HSPA4: variants seen among roughly 807,000 people sequenced by gnomAD.
HSPA4 encodes heat shock protein family A (Hsp70) member 4.
Under a neutral mutation model 106.2 loss-of-function variants are expected in HSPA4, and 25 were observed. The observed-to-expected ratio is 0.24, with a 90% CI of 0.17 to 0.33. The LOEUF (loss-of-function observed/expected upper bound fraction) is 0.33. Ranked by LOEUF, HSPA4 falls within the 10% of genes least tolerant of loss-of-function variation. The probability of loss-of-function intolerance (pLI) is 1.00; values close to 1 mark genes in which losing one functional copy is unlikely to be tolerated. For missense variants in HSPA4, 841 were observed against 996.0 expected (o/e 0.84, Z 2.10); for synonymous variants, 332 against 333.6 (o/e 1.00, Z 0.05).
intron 16 of HSPA4, among the ~76,000 whole-genome samples, chr5:133,100,974 T>C (rs1013500681): frequency 7.2e-5 from 11 of 152,136 alleles, no homozygotes; most frequent in African/African-American, 2.7e-4. Context: ...CCTGGCTGTT[T>C]TAATTTTTTT....
chr5:133,064,065 G>A (rs6895521), intron 1 of HSPA4, among the ~76,000 whole-genome samples: 152,374 of 152,390 alleles, frequency 1, 76,179 homozygotes, highest in Middle Eastern at 1. Context: ...CTTTTTAAGC[G>A]TAAGCACAGA....
In HSPA4 at chr5:133,105,109, A is replaced by G. The variant is rs1271376468; in HGVS notation, c.*673A>G. 6.6e-6 allele frequency: 1 copy of G among 152,262 alleles called. No individual in the cohort carries two copies. The highest frequency in any genetic ancestry group is 2.4e-5 in the African/African-American group (1 of 41,472). 9.4% of individuals were successfully genotyped at this position (152,262 alleles called of 1,614,324 possible). On this transcript the variant is annotated 3_prime_UTR_variant, in exon 19 of 19. Coordinates refer to ENST00000304858, the MANE Select transcript of HSPA4 (RefSeq NM_002154.4). ...TTTAAACCTGGAGGCTCTTCCTGAA[A>G]GTATGTTCATGAATACCCCAAGCAT...
At chr5:133,076,989 G>A (rs955695972) in intron 7 of HSPA4, 91 bp downstream of exon 7, 8 of 1,153,112 alleles carry the variant, frequency 6.9e-6, no homozygotes, top group Admixed American at 4.4e-5. Context: ...AAATAATCAC[G>A]GAGGTTATAT....
At chr5:133,077,661 T>C (rs960578126) in intron 7 of HSPA4, among the ~76,000 whole-genome samples, 3 of 152,226 alleles carry the variant, frequency 2.0e-5, no homozygotes, top group Admixed American at 6.5e-5. Flanking sequence ...CAGAGTGTTA[T>C]TGTTGCCTGG....
intron 7 of HSPA4, among the ~76,000 whole-genome samples, chr5:133,080,692 T>G (rs1050833712): frequency 6.6e-6 from 1 of 151,836 alleles, no homozygotes; most frequent in Non-Finnish European, 1.5e-5. Context: ...TTTTTTTTAG[T>G]TTGCCTTTTT....
intron 7 of HSPA4, among the ~76,000 whole-genome samples, chr5:133,085,489 T>TTAAAAAAAAAAAAAAAAAAAAAA (rs1554089513): frequency 2.7e-5 from 3 of 110,268 alleles, no homozygotes; most frequent in African/African-American, 9.9e-5. Context: ...CCATCTCTAC[T>TTAAAAAAAAAAAAAAAAAAAAAA]AAAAAAAAAA....
At chr5:133,069,309 G>A (rs1042423489) in intron 3 of HSPA4, among the ~76,000 whole-genome samples, 13 of 151,782 alleles carry the variant, frequency 8.6e-5, no homozygotes, top group Admixed American at 7.2e-4. Context: ...GAGTGCAGTG[G>A]CACGATGTAG....
rs1765662599 is a variant in HSPA4, at chr5:133,092,806, G to GTTTTTTTTGTTTTTTTTT, written c.1650+25_1650+26insGTTTTTTTTTTTTTTTTT. 2.5e-5 allele frequency: 12 copies of GTTTTTTTTGTTTTTTTTT among 474,012 alleles called. No individual in the cohort carries two copies. In the African/African-American group the frequency reaches 4.3e-4, roughly 17 times the overall value. The allele number at this position is 474,012 out of a possible 1,614,324, so 29.4% of individuals were successfully genotyped here. On this transcript the variant is annotated intron_variant, in intron 13 of 18. Transcript: ENST00000304858. The stretch of plus-strand genomic sequence containing the variant: ...GAAATGGAGGTATGCATTGGGTGGT[G>GTTTTTTTTGTTTTTTTTT]TTTTTTTTTTTTTTTTTTTTTTTTT...
intron 7 of HSPA4, among the ~76,000 whole-genome samples, chr5:133,086,285 G>A (rs779293438): frequency 1.3e-5 from 2 of 152,130 alleles, no homozygotes; most frequent in African/African-American, 4.8e-5. Flanking sequence ...CTTCCCTTTT[G>A]TCATTGGTAG....
chr5:133,088,589 T>C, intron 9 of HSPA4, 34 bp downstream of exon 9: 1 of 1,568,788 alleles, frequency 6.4e-7, no homozygotes, highest in Non-Finnish European at 8.8e-7. Flanking sequence ...TAACCATTTA[T>C]AAATCATTGT....
At chr5:133,100,438 C>T (rs1052109848) in intron 16 of HSPA4, among the ~76,000 whole-genome samples, 10 of 152,026 alleles carry the variant, frequency 6.6e-5, no homozygotes, top group African/African-American at 1.2e-4. Context: ...GCTCTGTTGC[C>T]GAGGCTGGAG....
intron 7 of HSPA4, among the ~76,000 whole-genome samples, chr5:133,082,385 A>G (rs1765523380): frequency 6.6e-6 from 1 of 152,218 alleles, no homozygotes; most frequent in Non-Finnish European, 1.5e-5. Context: ...ACTGAATTGT[A>G]TACTTTAAAA....
At chr5:133,061,080 A>G (rs1765235733) in intron 1 of HSPA4, among the ~76,000 whole-genome samples, 1 of 151,712 alleles carries the variant, frequency 6.6e-6, no homozygotes, top group Non-Finnish European at 1.5e-5. Context: ...AAGCTTCATT[A>G]AACAACAGTA....
chr5:133,089,266 C>T (rs1765615609), intron 10 of HSPA4, 105 bp downstream of exon 10: 3 of 674,324 alleles, frequency 4.4e-6, no homozygotes, highest in East Asian at 2.7e-5. Context: ...AACATTTTAT[C>T]ATAGTGCATG....
chr5:133,059,648 C>T (rs1276879472), intron 1 of HSPA4, among the ~76,000 whole-genome samples: 3 of 151,956 alleles, frequency 2.0e-5, no homozygotes, highest in African/African-American at 7.2e-5. Context: ...TGTGTGTATA[C>T]GTGGGGTTTG....
In HSPA4 at chr5:133,103,454, C is replaced by T. The variant is rs145057502; in HGVS notation, c.2158-411C>T. Among the ~76,000 whole-genome samples, 270 of 151,468 alleles carry T rather than the reference C, an allele frequency of 1.8e-3. 7 individuals carry two copies. In the East Asian group the frequency reaches 0.049, roughly 27 times the overall value. On this transcript the variant is annotated intron_variant, in intron 17 of 18. Transcript: ENST00000304858. ...TGTGATCTCGGCTCACTGCAAGCTC[C>T]GCCTCCTGGGTTCACGTCAAAGGCC...
At chr5:133,085,556 A>G (rs958216415) in intron 7 of HSPA4, among the ~76,000 whole-genome samples, 14 of 151,228 alleles carry the variant, frequency 9.3e-5, no homozygotes, top group Non-Finnish European at 7.4e-5. Flanking sequence ...GCTTCTCAGG[A>G]GGCTGAGGCA....
chr5:133,080,439 A>C (rs987806590), intron 7 of HSPA4, among the ~76,000 whole-genome samples: 7 of 151,060 alleles, frequency 4.6e-5, no homozygotes, highest in Admixed American at 2.6e-4. Flanking sequence ...AAAAAAAAAA[A>C]AACCCAATAA....
intron 6 of HSPA4, 74 bp from the exon 7 acceptor site, chr5:133,076,580 A>G (rs1765448221): frequency 7.6e-7 from 1 of 1,321,494 alleles, no homozygotes; most frequent in African/African-American, 1.5e-5. Flanking sequence ...TAAACAACTT[A>G]CCAGGTAAAT....
Sources: gnomAD v4.1 joint callset for allele counts (sites outside exome capture counted in the v4.1 genomes callset) on GRCh38, gnomAD v4.1.1 for gene constraint, MANE v1.5 for transcripts, NCBI Gene and HGNC (gene_info 2026-07-23, HGNC 2026-07-21) for gene names.